The following RANBP17 variants were observed in gnomAD, a reference collection of about 807,000 sequenced individuals.
RANBP17 encodes the protein ran-binding protein 17.
Under a neutral mutation model 141.2 loss-of-function variants are expected in RANBP17, and 158 were observed. The observed-to-expected ratio is 1.12, with a 90% CI of 0.98 to 1.28. RANBP17 has a LOEUF of 1.28. RANBP17 is among the 50% of genes most tolerant of loss of function. The pLI is 0.00. For missense variants in RANBP17, 1,438 were observed against 1,290.7 expected, an observed-to-expected ratio of 1.11 and a Z score of -1.75; for synonymous variants, 430 against 450.0, an observed-to-expected ratio of 0.96 and a Z score of 0.56.
At chr5:171,114,766 G>A (rs919694448) in intron 14 of RANBP17, among the ~76,000 whole-genome samples, 34 of 150,546 alleles carry the variant, frequency 2.3e-4, no homozygotes, top group Middle Eastern at 3.4e-3. Context: ...TCATATGCCA[G>A]ACCCTTTGCT....
At chr5:170,863,262 G>A (rs141345580) in intron 1 of RANBP17, among the ~76,000 whole-genome samples, 3 of 152,316 alleles carry the variant, frequency 2.0e-5, no homozygotes, top group Admixed American at 6.5e-5. Context: ...TTGGGACAAA[G>A]GGATGGGATC....
intron 14 of RANBP17, among the ~76,000 whole-genome samples, chr5:171,017,405 G>A (rs1049768940): frequency 3.2e-4 from 49 of 151,942 alleles, no homozygotes; most frequent in African/African-American, 1.2e-3. Flanking sequence ...CCACACCCTC[G>A]CCAGCATCTA....
intron 14 of RANBP17, among the ~76,000 whole-genome samples, chr5:171,099,389 G>A (rs1183825094): frequency 6.6e-6 from 1 of 152,046 alleles, no homozygotes; most frequent in Non-Finnish European, 1.5e-5. Context: ...GTGAATGGGA[G>A]TTTGCTCATG....
chr5:171,079,279 G>A (rs187057287), intron 14 of RANBP17, among the ~76,000 whole-genome samples: 1 of 152,170 alleles, frequency 6.6e-6, no homozygotes, highest in Non-Finnish European at 1.5e-5. Context: ...TCAAACAGAT[G>A]AGTTTCTTCT....
In RANBP17 at chr5:171,156,291, C is replaced by T. The variant is rs192286870; in HGVS notation, c.1711-13839C>T. Among the ~76,000 whole-genome samples the T allele has an allele frequency of 4.3e-3, 650 of 152,092 alleles. 4 individuals are homozygous for T. The highest frequency in any genetic ancestry group is 0.015 in the African/African-American group (619 of 41,506). On this transcript the variant is annotated intron_variant, in intron 14 of 27. Transcript: ENST00000523189. ...TGCTAAAATTATGATTTTTAAAAGA[C>T]TATGTGATACTAGGAACATAAATTA...
chr5:171,016,714 CTTA>C (rs1160422599), intron 14 of RANBP17, among the ~76,000 whole-genome samples: 2 of 151,724 alleles, frequency 1.3e-5, no homozygotes, highest in African/African-American at 2.4e-5. Context: ...TCACTATTGA[CTTA>C]TTAGTTGTAC....
intron 3 of RANBP17, among the ~76,000 whole-genome samples, chr5:170,891,858 C>T (rs772077924): frequency 1.3e-5 from 2 of 152,180 alleles, no homozygotes; most frequent in Admixed American, 6.5e-5. Context: ...TTTCGGTTTT[C>T]TGCATTCACC....
At chr5:170,912,409 A>G (rs75061195) in intron 7 of RANBP17, among the ~76,000 whole-genome samples, 4,081 of 152,048 alleles carry the variant, frequency 0.027, 172 homozygotes, top group African/African-American at 0.093. Flanking sequence ...ATTTTTTGCA[A>G]CTGCATGTGA....
intron 14 of RANBP17, among the ~76,000 whole-genome samples, chr5:171,099,440 G>T (rs746595130): frequency 6.6e-6 from 1 of 152,100 alleles, no homozygotes; most frequent in African/African-American, 2.4e-5. Flanking sequence ...CGTGATTTTC[G>T]CACGTTGATT....
In RANBP17 at chr5:170,967,548, TATTGA is replaced by T. The variant is rs150143207; in HGVS notation, c.1575-690_1575-686del. On this transcript the variant is annotated intron_variant, in intron 13 of 27. Transcript: ENST00000523189. ...AGGTTCTGCACTAAGTTTTTCATTA[TATTGA>T]ATTAAGCTTTTTCTGTAGGAAATTT... Among the ~76,000 whole-genome samples, 158 of 151,652 alleles carry T rather than the reference TATTGA, an allele frequency of 1.0e-3. 1 individual carries two copies. Among genetic ancestry groups the T allele is most frequent in the Non-Finnish European group, 1.9e-3 (128 of 67,788 alleles).
intron 14 of RANBP17, among the ~76,000 whole-genome samples, chr5:171,138,335 A>C (rs987323493): frequency 6.6e-6 from 1 of 152,202 alleles, no homozygotes; most frequent in Non-Finnish European, 1.5e-5. Context: ...AAAAAGGAAC[A>C]TGAGCACTTG....
intron 14 of RANBP17, among the ~76,000 whole-genome samples, chr5:171,051,170 G>GT (rs1410659459): frequency 2.0e-5 from 3 of 151,332 alleles, no homozygotes; most frequent in Non-Finnish European, 2.9e-5. Context: ...ATTTCTTTGT[G>GT]TTTATCTTTC....
intron 13 of RANBP17, among the ~76,000 whole-genome samples, chr5:170,963,229 A>G (rs577613608): frequency 2.0e-5 from 3 of 152,320 alleles, no homozygotes; most frequent in East Asian, 3.9e-4. Flanking sequence ...TGAACAAAAG[A>G]TAGTCTGTAC....
intron 14 of RANBP17, among the ~76,000 whole-genome samples, chr5:171,133,902 T>A (rs922148853): frequency 6.6e-6 from 1 of 152,230 alleles, no homozygotes; most frequent in Non-Finnish European, 1.5e-5. Context: ...GAAAGGTCTT[T>A]TAAGTATCTA....
At chr5:171,029,312 C>T (rs1194699972) in intron 14 of RANBP17, 1 of 152,788 alleles carries the variant, frequency 6.5e-6, no homozygotes, top group African/African-American at 2.4e-5. Context: ...GTATTTCTAG[C>T]TGCAATTTTA....
At chr5:170,898,839 G>C (rs1243974454) in intron 5 of RANBP17, among the ~76,000 whole-genome samples, 2 of 152,126 alleles carry the variant, frequency 1.3e-5, no homozygotes, top group Admixed American at 6.5e-5. Context: ...TAGATGTAGA[G>C]CATTATTTCT....
chr5:170,936,084 C>A (rs988757732), intron 12 of RANBP17, among the ~76,000 whole-genome samples: 4 of 152,192 alleles, frequency 2.6e-5, no homozygotes, highest in African/African-American at 9.6e-5. Context: ...GGGCATGGGA[C>A]CCTCCGAGCT....
chr5:171,115,139 T>TA (rs1261605678), intron 14 of RANBP17, among the ~76,000 whole-genome samples: 6 of 151,690 alleles, frequency 4.0e-5, no homozygotes, highest in African/African-American at 1.2e-4. Flanking sequence ...TTAGGGGAGA[T>TA]AAAAAAAGAA....
rs1040330495 is a variant in RANBP17 at position 171,008,511 on chromosome 5, G to T, written c.1710+40134G>T. Among the ~76,000 whole-genome samples the T allele has an allele frequency of 2.8e-5, 4 of 144,730 alleles. No homozygotes were observed. In the East Asian group the frequency reaches 5.8e-4, roughly 21 times the overall value. 94.9% of individuals were successfully genotyped at this position (144,730 alleles called of 152,430 possible). On this transcript the variant is annotated intron_variant, in intron 14 of 27. Coordinates refer to ENST00000523189, the MANE Select transcript of RANBP17 (RefSeq NM_022897.5). ...GGTGCAGGCAGGCTGAGTCTGAAAA[G>T]AGAGTCAGCAAAGCATGGTGGGATT...
Sources: allele counts gnomAD v4.1 joint callset (sites outside exome capture counted in the v4.1 genomes callset), GRCh38; gene constraint gnomAD v4.1.1; transcripts MANE v1.5; gene names NCBI Gene and HGNC (gene_info 2026-07-23, HGNC 2026-07-21).